IQUB: variants seen among roughly 807,000 people sequenced by gnomAD.
IQUB encodes the protein IQ motif and ubiquitin domain containing.
Under a neutral mutation model 86.4 loss-of-function variants are expected in IQUB, and 86 were observed. The ratio of observed to expected loss-of-function variants is 1.00; its 90% CI spans 0.84 to 1.19. The LOEUF (loss-of-function observed/expected upper bound fraction) is 1.19. Ranked by LOEUF, IQUB falls within the 50% of genes most tolerant of loss-of-function variation. The pLI is 0.00. For missense variants in IQUB, 946 were observed against 916.9 expected (o/e 1.03, Z -0.41); for synonymous variants, 289 against 304.5 (o/e 0.95, Z 0.53).
chr7:123,506,139 T>A (rs932149245), intron 3 of IQUB, among the ~76,000 whole-genome samples: 2 of 152,240 alleles, frequency 1.3e-5, no homozygotes, highest in African/African-American at 4.8e-5. Flanking sequence ...CAGTTCCCAA[T>A]GAGTTCCTCA....
At chr7:123,520,969 T>C (rs2117318298) in intron 1 of IQUB, among the ~76,000 whole-genome samples, 2 of 152,188 alleles carry the variant, frequency 1.3e-5, no homozygotes, top group East Asian at 3.9e-4. Context: ...TAAGGAAAAC[T>C]TCAAATAAAG....
intron 3 of IQUB, among the ~76,000 whole-genome samples, chr7:123,507,599 G>A (rs1185517777): frequency 6.6e-6 from 1 of 151,978 alleles, no homozygotes; most frequent in East Asian, 1.9e-4. Context: ...TTAACATGAG[G>A]GCCAGGTGCA....
intron 9 of IQUB, among the ~76,000 whole-genome samples, chr7:123,465,870 G>A (rs548957012): frequency 1.0e-3 from 153 of 152,072 alleles, no homozygotes; most frequent in Non-Finnish European, 1.5e-3. Flanking sequence ...CTGCTCTGAA[G>A]TGGGGCCTAG....
At chr7:123,473,567 TTTTTTTGTTTTTTG>T (rs939783715) in intron 8 of IQUB, among the ~76,000 whole-genome samples, 13 of 151,960 alleles carry the variant, frequency 8.6e-5, no homozygotes, top group East Asian at 3.9e-4. Flanking sequence ...AGTTCTTTTG[TTTTTTTGTTTTTTG>T]TTTTTTGTTT....
chr7:123,453,445 TTA>T (rs1246524576), intron 12 of IQUB, among the ~76,000 whole-genome samples: 1 of 149,186 alleles, frequency 6.7e-6, no homozygotes. Context: ...CCTTATATAA[TTA>T]TATATATATA....
chr7:123,465,312 C>T (rs1266183327), intron 9 of IQUB, among the ~76,000 whole-genome samples: 1 of 151,780 alleles, frequency 6.6e-6, no homozygotes, highest in East Asian at 1.9e-4. Context: ...ATAAGCAACA[C>T]TAAACCATAT....
intron 1 of IQUB, among the ~76,000 whole-genome samples, chr7:123,534,084 G>A (rs1277607739): frequency 6.6e-6 from 1 of 152,206 alleles, no homozygotes; most frequent in East Asian, 1.9e-4. Flanking sequence ...AGGAAGGAGT[G>A]AGAGTGCCAG....
intron 1 of IQUB, among the ~76,000 whole-genome samples, chr7:123,516,807 G>A (rs1796657727): frequency 6.6e-6 from 1 of 152,066 alleles, no homozygotes; most frequent in Admixed American, 6.5e-5. Flanking sequence ...GAAAACACAA[G>A]GTGGCTGGGA....
chr7:123,462,977 A>G (rs558400472), intron 10 of IQUB: 1 of 324,226 alleles, frequency 3.1e-6, no homozygotes, highest in African/African-American at 2.2e-5. Flanking sequence ...GTGTTCCTTC[A>G]AATTCTTCTC....
At chr7:123,480,015 T>C in intron 7 of IQUB, 45 bp from the exon 8 acceptor site, 1 of 1,418,920 alleles carries the variant, frequency 7.0e-7, no homozygotes, top group East Asian at 2.3e-5. Flanking sequence ...AAAAATCCCA[T>C]CTTGAATGAT....
chr7:123,468,867 A>C (rs1191738650), intron 9 of IQUB, among the ~76,000 whole-genome samples: 3 of 152,258 alleles, frequency 2.0e-5, no homozygotes, highest in African/African-American at 7.2e-5. Flanking sequence ...ATGAGAAAAA[A>C]GATAAAAATA....
rs186952847 is a variant in IQUB at position 123,473,443 on chromosome 7, A to G, written c.1411-4059T>C. Among the ~76,000 whole-genome samples the G allele has an allele frequency of 1.3e-3, 192 of 152,376 alleles. 1 individual carries two copies. The highest frequency in any genetic ancestry group is 4.3e-3 in the African/African-American group (177 of 41,594). On this transcript the variant is annotated intron_variant, in intron 8 of 12. Transcript: ENST00000324698. ...AAGGAAAAACATCTTACAGAAATTCAAATGGTCTCTACAGAGTTTGGGTAA... is the reference window on the plus strand; with the variant it reads ...AAGGAAAAACATCTTACAGAAATTCGAATGGTCTCTACAGAGTTTGGGTAA...
At chr7:123,528,863 G>C (rs1366617796) in intron 1 of IQUB, among the ~76,000 whole-genome samples, 1 of 152,016 alleles carries the variant, frequency 6.6e-6, no homozygotes, top group Non-Finnish European at 1.5e-5. Flanking sequence ...AATTTTATTG[G>C]TTCCTAATAC....
At chr7:123,470,173 T>C (rs1243177079) in intron 8 of IQUB, among the ~76,000 whole-genome samples, 1 of 152,060 alleles carries the variant, frequency 6.6e-6, no homozygotes, top group Non-Finnish European at 1.5e-5. Flanking sequence ...TTAATGATGA[T>C]ACCTCTGTGT....
At chr7:123,488,974 G>A (rs2117123947) in intron 7 of IQUB, among the ~76,000 whole-genome samples, 1 of 152,162 alleles carries the variant, frequency 6.6e-6, no homozygotes, top group African/African-American at 2.4e-5. Flanking sequence ...AGTCCTATAA[G>A]CAACAAAATG....
chr7:123,472,474 T>C (rs1025526183), intron 8 of IQUB, among the ~76,000 whole-genome samples: 2 of 151,992 alleles, frequency 1.3e-5, no homozygotes, highest in African/African-American at 4.8e-5. Context: ...AAATGAGTAA[T>C]TAGAAAAAAA....
intron 7 of IQUB, among the ~76,000 whole-genome samples, chr7:123,485,958 G>T (rs1012309752): frequency 7.9e-5 from 12 of 152,152 alleles, no homozygotes; most frequent in African/African-American, 2.7e-4. Context: ...GAGTCATTCA[G>T]GCAATGAAAG....
chr7:123,521,299 G>A (rs1236317100), intron 1 of IQUB, among the ~76,000 whole-genome samples: 1 of 151,900 alleles, frequency 6.6e-6, no homozygotes, highest in Non-Finnish European at 1.5e-5. Context: ...CCTAATTTTA[G>A]TATGTTAGGT....
At position 123,510,042 on chromosome 7, in the gene IQUB, A is replaced by G. The variant is rs1316157778; in HGVS notation, c.398-7T>C. The G allele has an allele frequency of 1.3e-6, 2 of 1,521,476 alleles. No individual in the cohort carries two copies. The allele number at this position is 1,521,476 out of a possible 1,614,324, so 94.2% of individuals were successfully genotyped here. A position where few individuals can be genotyped will look rare whatever the true frequency, so the allele number is the denominator to read the frequency against. On this transcript the variant is annotated splice_region_variant and splice_polypyrimidine_tract_variant and intron_variant, in intron 2 of 12. Coordinates refer to ENST00000324698, the MANE Select transcript of IQUB (RefSeq NM_178827.5). The stretch of plus-strand genomic sequence containing the variant: ...GGAATAAGTACAACTTTTACTGTAA[A>G]TTAAATAGAAAAGAAAGAATTATAG...
Sources: allele counts gnomAD v4.1 joint callset (sites outside exome capture counted in the v4.1 genomes callset), GRCh38; gene constraint gnomAD v4.1.1; transcripts MANE v1.5; gene names NCBI Gene and HGNC (gene_info 2026-07-23, HGNC 2026-07-21).